BMP8B: variants seen among roughly 807,000 people sequenced by gnomAD.
BMP8B encodes the protein bone morphogenetic protein 8 (osteogenic protein 2).
BMP8B carries 17 observed loss-of-function variants against 30.3 expected under a neutral mutation model. The ratio of observed to expected loss-of-function variants is 0.56; its 90% CI spans 0.38 to 0.84. BMP8B has a LOEUF of 0.84. BMP8B is among the 40% of genes least tolerant of loss of function. BMP8B has a pLI of 0.00. For synonymous variants in BMP8B, 131 were observed against 214.7 expected, an observed-to-expected ratio of 0.61 and a Z score of 3.41; for missense variants, 253 against 494.6, an observed-to-expected ratio of 0.51 and a Z score of 4.63.
At chr1:39,761,941 G>A (rs1182784766) in intron 6 of BMP8B, among the ~76,000 whole-genome samples, 3 of 152,254 alleles carry the variant, frequency 2.0e-5, no homozygotes, top group Non-Finnish European at 2.9e-5. Flanking sequence ...GAGCCCCTGA[G>A]GGGCAGGGGC....
Position 39,775,087 on chromosome 1 carries a change from T to C in BMP8B, c.335-49A>G, listed in dbSNP as rs757775463. 7 of 1,471,420 alleles carry C rather than the reference T, an allele frequency of 4.8e-6. No homozygotes were observed. In the East Asian group the frequency reaches 1.7e-4, roughly 35 times the overall value. The allele number at this position is 1,471,420 out of a possible 1,614,324, so 91.1% of individuals were successfully genotyped here. On this transcript the variant is annotated intron_variant, in intron 1 of 6. Transcript: ENST00000372827. ...CTGGCACTCAGAATGGCTCGGGCTC[T>C]GGAGGGGGCAGAGCTGGTGTGAGCC...
At chr1:39,782,166 CA>C (rs967031453) in intron 1 of BMP8B, among the ~76,000 whole-genome samples, 2 of 129,664 alleles carry the variant, frequency 1.5e-5, no homozygotes, top group Non-Finnish European at 3.3e-5. Flanking sequence ...AAAAAAAAAA[CA>C]AAAAAAACCT....
intron 1 of BMP8B, among the ~76,000 whole-genome samples, chr1:39,780,193 A>G (rs1047377877): frequency 6.6e-6 from 1 of 152,226 alleles, no homozygotes; most frequent in African/African-American, 2.4e-5. Flanking sequence ...TGGAGGGGAC[A>G]CAGAACTCTG....
chr1:39,770,508 C>T, intron 3 of BMP8B: 3 of 1,610,488 alleles, frequency 1.9e-6, no homozygotes, highest in Non-Finnish European at 2.5e-6. Context: ...GCCCCCACCT[C>T]CACGATCTCT....
At chr1:39,762,557 GA>G (rs759044704) in intron 6 of BMP8B, 3 of 1,550,294 alleles carry the variant, frequency 1.9e-6, no homozygotes, top group Non-Finnish European at 2.6e-6. Context: ...AGGGGATCCA[GA>G]AAAAACAAAG....
chr1:39,770,492 G>C, intron 3 of BMP8B: 1 of 1,610,322 alleles, frequency 6.2e-7, no homozygotes, highest in Non-Finnish European at 8.5e-7. Context: ...GTCTTCTGGG[G>C]GGAAAGCCCC....
chr1:39,767,167 C>T (rs1649673275), intron 3 of BMP8B, among the ~76,000 whole-genome samples: 2 of 152,086 alleles, frequency 1.3e-5, no homozygotes, highest in South Asian at 4.1e-4. Flanking sequence ...CCCTCTGAGC[C>T]AGGCCTGGCT....
chr1:39,760,296 G>T lies in BMP8B; in HGVS notation c.*123C>A. ...ATGAAGGAGAAAGGGTCATGTACGTGGTTGTGAGGGTCCTCCCTGGCAATG... is the reference window on the plus strand; with the variant it reads ...ATGAAGGAGAAAGGGTCATGTACGTTGTTGTGAGGGTCCTCCCTGGCAATG... On this transcript the variant is annotated 3_prime_UTR_variant, in exon 7 of 7. Coordinates refer to ENST00000372827, the MANE Select transcript of BMP8B (RefSeq NM_001720.5). 6.9e-7 allele frequency: 1 copy of T among 1,446,528 alleles called. No individual in the cohort carries two copies. The highest frequency in any genetic ancestry group is 9.3e-7 in the Non-Finnish European group (1 of 1,071,458). The allele number at this position is 1,446,528 out of a possible 1,614,324, so 89.6% of individuals were successfully genotyped here.
At chr1:39,780,271 C>T (rs142906700) in intron 1 of BMP8B, among the ~76,000 whole-genome samples, 1 of 152,266 alleles carries the variant, frequency 6.6e-6, no homozygotes, top group East Asian at 1.9e-4. Context: ...CTGTGGGGGA[C>T]ATTATTCATC....
intron 1 of BMP8B, among the ~76,000 whole-genome samples, chr1:39,779,412 G>A (rs1650465172): frequency 1.3e-5 from 2 of 152,232 alleles, no homozygotes; most frequent in Admixed American, 1.3e-4. Flanking sequence ...GGGGTGCCAG[G>A]AAGAGTCACA....
chr1:39,763,155 C>G lies in BMP8B; in HGVS notation c.996G>C (p.Gly332=). The change falls in exon 6 of 7, where the codon GGG becomes GGC. Residue 332 remains glycine, a synonymous_variant. Coordinates refer to ENST00000372827, the MANE Select transcript of BMP8B (RefSeq NM_001720.5). The stretch of plus-strand genomic sequence containing the variant: ...AGGAGTCCAGTGGGAAGGAGCACTC[C>G]CCCTCACAGTAATAGGCCGAGTAGC... ...PQGYSAYYCE[G]ECSFPLDSCM... The G allele has an allele frequency of 6.2e-7, 1 of 1,614,038 alleles. No individual in the cohort carries two copies. The highest frequency in any genetic ancestry group is 1.1e-5 in the South Asian group (1 of 91,076).
chr1:39,770,451 C>T (rs1159718365), intron 3 of BMP8B: 3 of 1,609,674 alleles, frequency 1.9e-6, no homozygotes, highest in Admixed American at 1.7e-5. Flanking sequence ...CCCTTTATCA[C>T]GCGATCTACA....
intron 1 of BMP8B, among the ~76,000 whole-genome samples, 180 bp from the exon 2 acceptor site, chr1:39,775,218 G>A (rs1171026601): frequency 6.6e-6 from 1 of 152,226 alleles, no homozygotes; most frequent in East Asian, 1.9e-4. Flanking sequence ...GTCCCGGGGT[G>A]TAGACAGGGC....
intron 6 of BMP8B, 100 bp downstream of exon 6, chr1:39,762,992 G>A (rs1382715523): frequency 4.2e-6 from 6 of 1,415,074 alleles, no homozygotes; most frequent in African/African-American, 2.8e-5. Flanking sequence ...CCTGAGACGC[G>A]GAGCAGGTGG....
intron 1 of BMP8B, among the ~76,000 whole-genome samples, chr1:39,779,220 C>G (rs764197916): frequency 3.9e-5 from 6 of 152,204 alleles, no homozygotes; most frequent in Non-Finnish European, 7.4e-5. Context: ...ACTTGGGGTT[C>G]CAGGGGAGGG....
At chr1:39,763,305 C>T (rs1267680513) in intron 5 of BMP8B, 103 bp from the exon 6 acceptor site, 1 of 1,158,770 alleles carries the variant, frequency 8.6e-7, no homozygotes, top group African/African-American at 1.6e-5. Context: ...CCCCAAGAGG[C>T]TTGAATCCAC....
Position 39,757,558 on chromosome 1 carries a change from G to A in BMP8B, c.*2861C>T, listed in dbSNP as rs1204247825. ...GTATTGCACCGCAAGGACCAAGACT[G>A]CTGGGCATTCCTCTTTTGCCTGTTG... On this transcript the variant is annotated 3_prime_UTR_variant, in exon 7 of 7. Transcript: ENST00000372827. 1 of 152,280 alleles carries A rather than the reference G, an allele frequency of 6.6e-6. No homozygotes were observed. Among genetic ancestry groups the A allele is most frequent in the Non-Finnish European group, 1.5e-5 (1 of 68,056 alleles). The allele number at this position is 152,280 out of a possible 1,614,324, so 9.4% of individuals were successfully genotyped here.
intron 1 of BMP8B, among the ~76,000 whole-genome samples, chr1:39,779,573 T>G (rs1185314214): frequency 2.0e-5 from 3 of 152,120 alleles, no homozygotes; most frequent in Admixed American, 6.5e-5. Context: ...ACGGTCGCAG[T>G]CACATACAGG....
intron 6 of BMP8B, chr1:39,762,783 G>A (rs1649176543): frequency 7.6e-7 from 1 of 1,314,022 alleles, no homozygotes; most frequent in Non-Finnish European, 1.0e-6. Context: ...TGTTTCATGT[G>A]CTGTGCCTCT....
Sources: allele counts gnomAD v4.1 joint callset (sites outside exome capture counted in the v4.1 genomes callset), GRCh38; gene constraint gnomAD v4.1.1; transcripts MANE v1.5; gene names NCBI Gene and HGNC (gene_info 2026-07-23, HGNC 2026-07-21).